GMNC: variants seen among roughly 807,000 people sequenced by gnomAD.
The protein encoded by GMNC is geminin coiled-coil domain-containing protein 1.
A neutral mutation model predicts 33.6 loss-of-function variants in GMNC; 16 were observed. The observed-to-expected ratio is 0.48, with a 90% confidence interval of 0.32 to 0.72. The LOEUF is 0.72. Ranked by LOEUF, GMNC falls within the 30% of genes least tolerant of loss-of-function variation. The pLI is 0.03. For synonymous variants in GMNC, 156 were observed against 147.3 expected (o/e 1.06, Z -0.43); for missense variants, 393 against 388.9 (o/e 1.01, Z -0.09).
chr3:190,856,986 A>G (rs373357696), intron 4 of GMNC, among the ~76,000 whole-genome samples: 1 of 151,532 alleles, frequency 6.6e-6, no homozygotes, highest in Non-Finnish European at 1.5e-5. Flanking sequence ...AGTGTCTTCT[A>G]TTCTCTGAAC....
Position 190,861,455 on chromosome 3 carries a change from C to CATCTATCTATCTATCTATCTGTCTATCT in GMNC, c.4-598_4-597insAGATAGACAGATAGATAGATAGATAGAT, listed in dbSNP as rs1737865266. Reference sequence around the variant, plus strand: ...TCTGTCTGTCTGTCTGTCTGCCTATCATCTATCTATCTATCTATCTATCTA... The same window carrying CATCTATCTATCTATCTATCTGTCTATCT: ...TCTGTCTGTCTGTCTGTCTGCCTATCATCTATCTATCTATCTATCTGTCTATCTATCTATCTATCTATCTATCTATCTA... On this transcript the variant is annotated intron_variant, in intron 1 of 4. Coordinates refer to ENST00000442080, the MANE Select transcript of GMNC (RefSeq NM_001146686.3). The surrounding 1 kb of genome is among the most constrained non-coding windows in gnomAD (Gnocchi z 5.1). Among the ~76,000 whole-genome samples the CATCTATCTATCTATCTATCTGTCTATCT allele has an allele frequency of 1.4e-5, 2 of 146,006 alleles. No individual in the cohort carries two copies. Among genetic ancestry groups the CATCTATCTATCTATCTATCTGTCTATCT allele is most frequent in the Non-Finnish European group, 3.0e-5 (2 of 66,454 alleles).
At chr3:190,859,362 C>T (rs768381445) in intron 2 of GMNC, among the ~76,000 whole-genome samples, 14 of 151,902 alleles carry the variant, frequency 9.2e-5, no homozygotes, top group South Asian at 2.1e-4. Context: ...CCCCCAAACT[C>T]GGCATAACAT....
At chr3:190,857,464 G>A (rs1199332928) in intron 4 of GMNC, among the ~76,000 whole-genome samples, 1 of 152,104 alleles carries the variant, frequency 6.6e-6, no homozygotes, top group Non-Finnish European at 1.5e-5. Flanking sequence ...TTTTAGATCT[G>A]CTTCCCGTAC....
Position 190,862,071 on chromosome 3 carries a change from A to G in GMNC, c.3+542T>C, listed in dbSNP as rs1037479671. On this transcript the variant is annotated intron_variant, in intron 1 of 4. Coordinates refer to ENST00000442080, the MANE Select transcript of GMNC (RefSeq NM_001146686.3). This position sits in a 1 kb window ranked among gnomAD's most constrained non-coding sequence, Gnocchi z 4.5. ...AGCAAGTCCAGCTTGGGCAGTGCAG[A>G]CCAAAGAAATTCAGCCAAAAGTTTA... Among the ~76,000 whole-genome samples, 3 of 152,200 alleles carry G rather than the reference A, an allele frequency of 2.0e-5. No individual in the cohort carries two copies. Among genetic ancestry groups the G allele is most frequent in the African/African-American group, 7.2e-5 (3 of 41,458 alleles).
chr3:190,855,968 C>A, intron 4 of GMNC, 53 bp from the exon 5 acceptor site: 1 of 1,358,416 alleles, frequency 7.4e-7, no homozygotes, highest in Non-Finnish European at 9.9e-7. Context: ...TACTAGTTAA[C>A]TAAATTATTT....
chr3:190,844,832 G>T, the GMNC span, among the ~76,000 whole-genome samples: 2 of 152,194 alleles, frequency 1.3e-5, no homozygotes, highest in African/African-American at 4.8e-5. Context: ...AGAAATCACT[G>T]CTGTTTGGGT....
At chr3:190,856,651 C>G (rs1307330337) in intron 4 of GMNC, among the ~76,000 whole-genome samples, 1 of 151,122 alleles carries the variant, frequency 6.6e-6, no homozygotes, top group Non-Finnish European at 1.5e-5. Context: ...ATATTAATGA[C>G]TTGCTGAGAA....
At chr3:190,845,846 A>G in the GMNC span, among the ~76,000 whole-genome samples, 1 of 152,114 alleles carries the variant, frequency 6.6e-6, no homozygotes, top group East Asian at 1.9e-4. Flanking sequence ...TTACAAAACA[A>G]CTACAGTTTC....
downstream of GMNC, among the ~76,000 whole-genome samples, chr3:190,847,742 A>C (rs1457834697): frequency 6.6e-6 from 1 of 152,260 alleles, no homozygotes; most frequent in South Asian, 2.1e-4. Flanking sequence ...GCAAAGGGGA[A>C]GTTTCCTCCC....
At chr3:190,850,382 A>G (rs1195336143), downstream of GMNC, among the ~76,000 whole-genome samples, 3 of 152,194 alleles carry the variant, frequency 2.0e-5, no homozygotes, top group African/African-American at 7.2e-5. Flanking sequence ...TCAAGCCTAA[A>G]ACAGCCCGGA....
At position 190,861,683 on chromosome 3, in the gene GMNC, A is replaced by G. The variant is rs1737874359; in HGVS notation, c.4-825T>C. Among the ~76,000 whole-genome samples the G allele has an allele frequency of 6.6e-6, 1 of 152,124 alleles. No homozygotes were observed. The highest frequency in any genetic ancestry group is 1.5e-5 in the Non-Finnish European group (1 of 68,024). On this transcript the variant is annotated intron_variant, in intron 1 of 4. Coordinates refer to ENST00000442080, the MANE Select transcript of GMNC (RefSeq NM_001146686.3). The surrounding 1 kb of genome is among the most constrained non-coding windows in gnomAD (Gnocchi z 5.1). Reference sequence around the variant, plus strand: ...CCCCTCCAAAGTTATCTTGCCATTAACTGGCATGTATTCTCCACTGTGTTC... The same window carrying G: ...CCCCTCCAAAGTTATCTTGCCATTAGCTGGCATGTATTCTCCACTGTGTTC...
chr3:190,858,329 C>T (rs1429956489), intron 3 of GMNC, among the ~76,000 whole-genome samples: 1 of 151,810 alleles, frequency 6.6e-6, no homozygotes, highest in African/African-American at 2.4e-5. Context: ...TGTATGTCCA[C>T]TAGGTTAAAT....
chr3:190,856,460 A>AATAAATATTTATAAATGAAT (rs1737748297), intron 4 of GMNC, among the ~76,000 whole-genome samples: 1 of 117,160 alleles, frequency 8.5e-6, no homozygotes, highest in African/African-American at 3.7e-5. Context: ...AATTTATATG[A>AATAAATATTTATAAATGAAT]ATAAATATTT....
At chr3:190,852,444 T>C (rs1163462119), downstream of GMNC, among the ~76,000 whole-genome samples, 1 of 152,164 alleles carries the variant, frequency 6.6e-6, no homozygotes. Flanking sequence ...CAACCTTTTT[T>C]TCCAGATACG....
chr3:190,857,604 C>T (rs991908701), intron 4 of GMNC, among the ~76,000 whole-genome samples, 179 bp downstream of exon 4: 1 of 152,096 alleles, frequency 6.6e-6, no homozygotes, highest in Non-Finnish European at 1.5e-5. Context: ...AATCTAGGTA[C>T]TTCAGAGAAA....
chr3:190,857,721 A>G (rs1455339327), intron 4 of GMNC, 62 bp downstream of exon 4: 1 of 848,848 alleles, frequency 1.2e-6, no homozygotes, highest in African/African-American at 1.7e-5. Context: ...TTTTACATAA[A>G]TCATTTCCTT....
chr3:190,857,071 GAA>G (rs1422789413), intron 4 of GMNC, among the ~76,000 whole-genome samples: 2 of 149,232 alleles, frequency 1.3e-5, no homozygotes, highest in Non-Finnish European at 3.0e-5. Context: ...AGCTTGTCTA[GAA>G]GTATGGAAAA....
At chr3:190,847,452 T>C in the GMNC span, among the ~76,000 whole-genome samples, 1 of 152,204 alleles carries the variant, frequency 6.6e-6, no homozygotes, top group Non-Finnish European at 1.5e-5. Flanking sequence ...GCAGCTCAGA[T>C]CATTGCCTGG....
At chr3:190,851,651 T>C (rs1737635048), downstream of GMNC, among the ~76,000 whole-genome samples, 2 of 152,198 alleles carry the variant, frequency 1.3e-5, no homozygotes, top group African/African-American at 4.8e-5. Context: ...AATACCTCCA[T>C]TATTAATCAT....
Sources: gnomAD v4.1 joint callset for allele counts (sites outside exome capture counted in the v4.1 genomes callset) on GRCh38, gnomAD v4.1.1 for gene constraint, Gnocchi (gnomAD v3.1) non-coding constraint, MANE v1.5 for transcripts, NCBI Gene and HGNC (gene_info 2026-07-23, HGNC 2026-07-21) for gene names.